The following SNTG1 variants were observed in gnomAD, a reference collection of about 807,000 sequenced individuals.
SNTG1 encodes the protein syntrophin gamma 1.
SNTG1 carries 39 observed loss-of-function variants against 74.7 expected under a neutral mutation model. The observed-to-expected ratio is 0.52, with a 90% CI of 0.40 to 0.68. The LOEUF (loss-of-function observed/expected upper bound fraction) is 0.68, where lower values mean the gene tolerates loss of function less well. Among genes scored for constraint, SNTG1 ranks in the 30% least tolerant of loss-of-function variants. The probability of loss-of-function intolerance (pLI) is 0.00; values close to 1 mark genes in which losing one functional copy is unlikely to be tolerated. For missense variants in SNTG1, 685 were observed against 609.5 expected, an observed-to-expected ratio of 1.12 and a Z score of -1.30; for synonymous variants, 254 against 217.1, an observed-to-expected ratio of 1.17 and a Z score of -1.49.
intron 2 of SNTG1, among the ~76,000 whole-genome samples, chr8:50,182,005 A>C (rs755359826): frequency 3.3e-5 from 5 of 152,154 alleles, no homozygotes; most frequent in Non-Finnish European, 5.9e-5. Context: ...ACCAAGCCAG[A>C]TTTTCAAAAT....
intron 1 of SNTG1, among the ~76,000 whole-genome samples, chr8:49,952,958 A>G (rs566305830): frequency 6.6e-6 from 1 of 152,326 alleles, no homozygotes; most frequent in East Asian, 1.9e-4. Flanking sequence ...GTTCAGTATC[A>G]TGTACGTTCA....
intron 9 of SNTG1, among the ~76,000 whole-genome samples, chr8:50,515,614 G>C (rs1185045056): frequency 6.6e-6 from 1 of 152,034 alleles, no homozygotes; most frequent in Non-Finnish European, 1.5e-5. Context: ...AAGCTTGATG[G>C]GGGGAAGGGC....
intron 1 of SNTG1, among the ~76,000 whole-genome samples, chr8:50,026,734 T>A (rs759453473): frequency 2.6e-5 from 4 of 152,094 alleles, no homozygotes; most frequent in African/African-American, 9.7e-5. Flanking sequence ...AAAAATTATC[T>A]TGCCCCCTTG....
chr8:50,414,390 T>C (rs1373745664), intron 4 of SNTG1, among the ~76,000 whole-genome samples: 3 of 152,154 alleles, frequency 2.0e-5, no homozygotes, highest in African/African-American at 7.2e-5. Flanking sequence ...TTGGCAAGTT[T>C]CTTTACTATA....
chr8:49,910,674 C>A (rs1175871333), upstream of SNTG1, among the ~76,000 whole-genome samples: 1 of 152,058 alleles, frequency 6.6e-6, no homozygotes, highest in East Asian at 1.9e-4. Context: ...AGTGAAGAGC[C>A]TGCAAGGCCC....
At chr8:49,945,405 T>C (rs974067173) in intron 1 of SNTG1, among the ~76,000 whole-genome samples, 63 of 152,190 alleles carry the variant, frequency 4.1e-4, no homozygotes, top group African/African-American at 1.5e-3. Context: ...GTGTGGTCCA[T>C]CGTAGGGCAG....
intron 2 of SNTG1, among the ~76,000 whole-genome samples, chr8:50,287,648 C>A (rs1423622591): frequency 1.3e-5 from 2 of 152,130 alleles, no homozygotes; most frequent in Admixed American, 1.3e-4. Context: ...CTCTTATACC[C>A]AACCTGTCTT....
At chr8:50,667,907 G>GT (rs1259687055) in intron 15 of SNTG1, among the ~76,000 whole-genome samples, 2 of 151,942 alleles carry the variant, frequency 1.3e-5, no homozygotes, top group Non-Finnish European at 2.9e-5. Context: ...CTGAAAATAT[G>GT]TTTTTAGTTT....
At chr8:50,006,120 G>A (rs1016877197) in intron 1 of SNTG1, among the ~76,000 whole-genome samples, 16 of 151,636 alleles carry the variant, frequency 1.1e-4, no homozygotes, top group African/African-American at 3.9e-4. Flanking sequence ...ATGCCACCAT[G>A]CCCAGCTAAT....
At chr8:50,631,548 A>G (rs532856749) in intron 13 of SNTG1, among the ~76,000 whole-genome samples, 2 of 152,336 alleles carry the variant, frequency 1.3e-5, no homozygotes, top group African/African-American at 4.8e-5. Context: ...CAAAGGACTT[A>G]TTCAAGGGGG....
At position 50,470,544 on chromosome 8, in the gene SNTG1, C is replaced by T. The variant is rs527717502; in HGVS notation, c.363+19815C>T. Reference sequence around the variant, plus strand: ...TGAGTGTTACAGCTCTTAAAGGTGGCGCGTCCAGAGTTGTTTGTTCCTCCC... The same window carrying T: ...TGAGTGTTACAGCTCTTAAAGGTGGTGCGTCCAGAGTTGTTTGTTCCTCCC... On this transcript the variant is annotated intron_variant, in intron 8 of 18. Transcript: ENST00000642720. Among the ~76,000 whole-genome samples, 8 of 151,880 alleles carry T rather than the reference C, an allele frequency of 5.3e-5. No individual in the cohort carries two copies. In the South Asian group the frequency reaches 1.3e-3, roughly 24 times the overall value.
chr8:49,964,254 T>G (rs1474915566), intron 1 of SNTG1, among the ~76,000 whole-genome samples: 1 of 152,238 alleles, frequency 6.6e-6, no homozygotes, highest in African/African-American at 2.4e-5. Flanking sequence ...AGGATAAGAC[T>G]GGCTCCCCAC....
chr8:50,656,900 T>C lies in SNTG1; in HGVS notation c.850-9T>C. The C allele has an allele frequency of 6.3e-7, 1 of 1,587,486 alleles. No homozygotes were observed. The highest frequency in any genetic ancestry group is 8.6e-7 in the Non-Finnish European group (1 of 1,160,708). On this transcript the variant is annotated splice_polypyrimidine_tract_variant and intron_variant, in intron 13 of 18. Coordinates refer to ENST00000642720, the MANE Select transcript of SNTG1 (RefSeq NM_018967.5). ...TTTTGACAGTTGATTGTATTCCATT[T>C]TCTTGCAGATTGTCTACATGGGCTG... is the stretch of plus-strand genomic sequence containing the variant.
At chr8:50,791,868 AG>A (rs2095691604) in intron 18 of SNTG1, among the ~76,000 whole-genome samples, 2 of 151,856 alleles carry the variant, frequency 1.3e-5, no homozygotes, top group South Asian at 2.1e-4. Flanking sequence ...TAATAATACT[AG>A]CAACATCATC....
chr8:50,618,859 T>G (rs1228144631), intron 13 of SNTG1, among the ~76,000 whole-genome samples: 1 of 151,550 alleles, frequency 6.6e-6, no homozygotes, highest in African/African-American at 2.4e-5. Flanking sequence ...CATTTTAGAG[T>G]GTGCTAGCAA....
chr8:50,493,716 A>G (rs2131898385), intron 8 of SNTG1, among the ~76,000 whole-genome samples: 1 of 151,100 alleles, frequency 6.6e-6, no homozygotes, highest in East Asian at 1.9e-4. Flanking sequence ...AAGATTTTGT[A>G]CATGGAAATT....
chr8:50,059,576 A>C (rs1820305780), intron 1 of SNTG1, among the ~76,000 whole-genome samples: 1 of 152,142 alleles, frequency 6.6e-6, no homozygotes, highest in Admixed American at 6.6e-5. Flanking sequence ...TAAACAATTC[A>C]TATAAATGGA....
intron 2 of SNTG1, among the ~76,000 whole-genome samples, chr8:50,360,631 A>G (rs753573428): frequency 6.6e-6 from 1 of 152,210 alleles, no homozygotes; most frequent in Non-Finnish European, 1.5e-5. Flanking sequence ...GGGATAGCCT[A>G]TTGGTCTTAG....
At position 50,172,642 on chromosome 8, in the gene SNTG1, C is replaced by A. The variant is rs1480799338; in HGVS notation, c.-28+7C>A. ...TTGCTGTACCTAAATTCAAGTAAGA[C>A]CATTACTTTGCAATAACGTATCATG... On this transcript the variant is annotated splice_region_variant and intron_variant, in intron 2 of 18. Transcript: ENST00000642720. 1.3e-5 allele frequency: 2 copies of A among 151,938 alleles called. No individual in the cohort carries two copies. Among genetic ancestry groups the A allele is most frequent in the African/African-American group, 4.8e-5 (2 of 41,384 alleles). 9.4% of individuals were successfully genotyped at this position (151,938 alleles called of 1,614,324 possible).
Sources: allele counts gnomAD v4.1 joint callset (sites outside exome capture counted in the v4.1 genomes callset), GRCh38; gene constraint gnomAD v4.1.1; transcripts MANE v1.5; gene names NCBI Gene and HGNC (gene_info 2026-07-23, HGNC 2026-07-21).